GRID1: variants seen among roughly 807,000 people sequenced by gnomAD.
GRID1 encodes the protein glutamate ionotropic receptor delta type subunit 1.
Under a neutral mutation model 98.0 loss-of-function variants are expected in GRID1, and 28 were observed. The observed-to-expected ratio is 0.29, with a 90% CI of 0.21 to 0.39. GRID1 has a LOEUF of 0.39. GRID1 is among the 10% of genes least tolerant of loss of function. The pLI is 1.00. For synonymous variants in GRID1, 553 were observed against 538.5 expected, an observed-to-expected ratio of 1.03 and a Z score of -0.37; for missense variants, 1,111 against 1,340.5, an observed-to-expected ratio of 0.83 and a Z score of 2.67.
intron 4 of GRID1, among the ~76,000 whole-genome samples, chr10:85,985,739 C>T (rs924863794): frequency 4.6e-5 from 7 of 152,218 alleles, no homozygotes; most frequent in Admixed American, 2.0e-4. Context: ...TGGACCTCAA[C>T]CAACACCTGG....
intron 12 of GRID1, among the ~76,000 whole-genome samples, chr10:85,682,817 A>T (rs1841225731): frequency 6.6e-6 from 1 of 152,162 alleles, no homozygotes; most frequent in Admixed American, 6.5e-5. Flanking sequence ...AAGCTCCTGG[A>T]ATGTAGCTGC....
chr10:86,246,578 C>T (rs1165366262), intron 2 of GRID1, among the ~76,000 whole-genome samples: 1 of 152,188 alleles, frequency 6.6e-6, no homozygotes, highest in African/African-American at 2.4e-5. Flanking sequence ...TGCTGGCATT[C>T]CCTACCATTA....
chr10:86,248,183 C>A lies in GRID1; in HGVS notation c.236-41535G>T, dbSNP rs142990512. On this transcript the variant is annotated intron_variant, in intron 2 of 15. Transcript: ENST00000327946. The stretch of plus-strand genomic sequence containing the variant: ...GCAGACGGTGCAGACACAGTGGCTT[C>A]AGATGGCAAAGGCACCATCTAATGA... 2.6e-3 allele frequency among the ~76,000 whole-genome samples: 403 copies of A among 152,356 alleles called. 2 individuals carry two copies. The highest frequency in any genetic ancestry group is 8.1e-3 in the African/African-American group (335 of 41,584).
chr10:85,975,640 C>T (rs1842462959), intron 4 of GRID1, among the ~76,000 whole-genome samples: 1 of 151,386 alleles, frequency 6.6e-6, no homozygotes, highest in Admixed American at 6.6e-5. Context: ...TAAGCTACCC[C>T]AGAACCCAAA....
At chr10:86,014,961 T>G (rs561220829) in intron 4 of GRID1, among the ~76,000 whole-genome samples, 1 of 152,234 alleles carries the variant, frequency 6.6e-6, no homozygotes. Context: ...GTTATTCAGA[T>G]ACTTTGTTTC....
At chr10:86,218,167 C>A (rs1248311974) in intron 2 of GRID1, among the ~76,000 whole-genome samples, 2 of 151,794 alleles carry the variant, frequency 1.3e-5, no homozygotes, top group African/African-American at 2.4e-5. Context: ...TGTGTGTGTG[C>A]TTGTGCGCGT....
chr10:85,626,121 G>A (rs1842910000), intron 13 of GRID1, among the ~76,000 whole-genome samples: 1 of 152,230 alleles, frequency 6.6e-6, no homozygotes, highest in Non-Finnish European at 1.5e-5. Context: ...TGCAGGGTAG[G>A]TGTGGGGCAC....
At chr10:86,344,934 G>A (rs1043541919) in intron 2 of GRID1, among the ~76,000 whole-genome samples, 11 of 152,238 alleles carry the variant, frequency 7.2e-5, no homozygotes, top group Non-Finnish European at 1.5e-4. Context: ...TCTGACCAGT[G>A]AGGAGTGGGC....
chr10:85,884,417 C>T (rs546945824), intron 5 of GRID1, among the ~76,000 whole-genome samples: 40 of 152,228 alleles, frequency 2.6e-4, no homozygotes, highest in African/African-American at 7.9e-4. Context: ...TTTCATTTGG[C>T]TGTCTCTTCT....
intron 8 of GRID1, among the ~76,000 whole-genome samples, chr10:85,785,751 C>G (rs1320739889): frequency 6.6e-6 from 1 of 152,130 alleles, no homozygotes; most frequent in African/African-American, 2.4e-5. Context: ...CCATCTCCAC[C>G]CCCAGACTCC....
chr10:86,248,563 C>CTTTTTTTTT (rs200060771), intron 2 of GRID1, among the ~76,000 whole-genome samples: 4 of 121,854 alleles, frequency 3.3e-5, no homozygotes, highest in South Asian at 2.7e-4. Flanking sequence ...CATGACAATT[C>CTTTTTTTTT]TTTTTTTTTT....
intron 8 of GRID1, among the ~76,000 whole-genome samples, chr10:85,807,260 G>A (rs755234372): frequency 6.6e-6 from 1 of 151,782 alleles, no homozygotes; most frequent in Non-Finnish European, 1.5e-5. Flanking sequence ...AGAAGCAGGA[G>A]AATCACTTGA....
chr10:86,149,862 C>T (rs144405574), intron 3 of GRID1, among the ~76,000 whole-genome samples: 1 of 152,310 alleles, frequency 6.6e-6, no homozygotes, highest in African/African-American at 2.4e-5. Context: ...AAATCTCTGG[C>T]TCCTTCAATA....
intron 5 of GRID1, among the ~76,000 whole-genome samples, chr10:85,906,194 C>A (rs1841458163): frequency 6.6e-6 from 1 of 152,034 alleles, no homozygotes; most frequent in Non-Finnish European, 1.5e-5. Context: ...GTTAATAAAT[C>A]AAGAGAACAT....
At chr10:85,857,427 G>A (rs1157939479) in intron 6 of GRID1, among the ~76,000 whole-genome samples, 3 of 152,058 alleles carry the variant, frequency 2.0e-5, no homozygotes, top group Admixed American at 6.5e-5. Context: ...CTAGAAAATG[G>A]CACCCACCCT....
chr10:86,098,552 A>G (rs1265510173), intron 4 of GRID1, among the ~76,000 whole-genome samples: 1 of 152,236 alleles, frequency 6.6e-6, no homozygotes, highest in Non-Finnish European at 1.5e-5. Flanking sequence ...AGACTCCTAG[A>G]AATTGAATTA....
At chr10:86,099,039 G>A (rs1222005294) in intron 4 of GRID1, among the ~76,000 whole-genome samples, 1 of 152,166 alleles carries the variant, frequency 6.6e-6, no homozygotes, top group East Asian at 1.9e-4. Context: ...AATGGGATTC[G>A]TAATCCCCAT....
intron 2 of GRID1, among the ~76,000 whole-genome samples, chr10:86,345,671 C>T (rs567554903): frequency 1.3e-5 from 2 of 152,316 alleles, no homozygotes; most frequent in South Asian, 4.1e-4. Flanking sequence ...AGGCCTCTCT[C>T]CTCACAGCTT....
chr10:85,985,515 A>G (rs1338126111), intron 4 of GRID1, among the ~76,000 whole-genome samples: 20 of 152,186 alleles, frequency 1.3e-4, no homozygotes. Context: ...CGCATGGTAC[A>G]TGAAGCTCAT....
Sources: allele counts gnomAD v4.1 joint callset (sites outside exome capture counted in the v4.1 genomes callset), GRCh38; gene constraint gnomAD v4.1.1; transcripts MANE v1.5; gene names NCBI Gene and HGNC (gene_info 2026-07-23, HGNC 2026-07-21).